The following SYNPO2 variants were observed in gnomAD, a reference collection of about 807,000 sequenced individuals.
SYNPO2 encodes the protein synaptopodin-2.
Under a neutral mutation model 85.0 loss-of-function variants are expected in SYNPO2, and 56 were observed. The ratio of observed to expected loss-of-function variants is 0.66; its 90% CI spans 0.53 to 0.82. The LOEUF (loss-of-function observed/expected upper bound fraction) is 0.82. Among genes scored for constraint, SYNPO2 ranks in the 40% least tolerant of loss-of-function variants. The probability of loss-of-function intolerance (pLI) is 0.00; values close to 1 mark genes in which losing one functional copy is unlikely to be tolerated. For missense variants in SYNPO2, 1,575 were observed against 1,534.2 expected, an observed-to-expected ratio of 1.03 and a Z score of -0.44; for synonymous variants, 602 against 591.1, an observed-to-expected ratio of 1.02 and a Z score of -0.27.
rs1048946642 is a variant in SYNPO2 at position 119,026,952 on chromosome 4, C to A, written c.583C>A (p.Pro195Thr). 1 of 1,614,112 alleles carries A rather than the reference C, an allele frequency of 6.2e-7. No homozygotes were observed. The highest frequency in any genetic ancestry group is 1.6e-4 in the Middle Eastern group (1 of 6,062). The change falls in exon 3 of 5, where the codon CCT (proline) becomes ACT (threonine). Residue 195 changes from proline (P) to threonine (T), a missense_variant. This residue lies in a region of SYNPO2 where 1,508 missense variants were observed against 1,446.8 expected (regional missense o/e 1.04). Transcript: ENST00000307142. The part of the protein sequence containing the change: ...REKVEAVQPG[P>T]VVELQLSLSQ... Reference sequence around the variant, plus strand: ...GAAGGTAGAAGCGGTACAGCCTGGGCCTGTGGTTGAGCTGCAACTGTCCCT... The same window carrying A: ...GAAGGTAGAAGCGGTACAGCCTGGGACTGTGGTTGAGCTGCAACTGTCCCT...
At chr4:118,931,739 T>C (rs1017944429) in intron 1 of SYNPO2, among the ~76,000 whole-genome samples, 1 of 152,200 alleles carries the variant, frequency 6.6e-6, no homozygotes, top group African/African-American at 2.4e-5. Flanking sequence ...ACAATTAATC[T>C]CTTTCCATTC....
chr4:119,001,122 G>A (rs922368582), intron 1 of SYNPO2, among the ~76,000 whole-genome samples: 13 of 152,144 alleles, frequency 8.5e-5, no homozygotes, highest in Admixed American at 1.3e-4. Flanking sequence ...GTGCCCCATG[G>A]GGGGTGCCAT....
intron 1 of SYNPO2, among the ~76,000 whole-genome samples, chr4:119,002,485 T>G (rs1018279700): frequency 6.6e-6 from 1 of 152,180 alleles, no homozygotes; most frequent in Non-Finnish European, 1.5e-5. Flanking sequence ...GGTCTCGATC[T>G]CCTGACCTTG....
intron 1 of SYNPO2, among the ~76,000 whole-genome samples, chr4:118,910,232 C>T (rs1391214492): frequency 6.6e-6 from 1 of 152,220 alleles, no homozygotes; most frequent in Non-Finnish European, 1.5e-5. Flanking sequence ...TAAACCCTGA[C>T]TTGTAGCCTC....
rs1227990778 is a variant in SYNPO2, at chr4:118,990,647, C to T, written c.106-32783C>T. 6.6e-5 allele frequency among the ~76,000 whole-genome samples: 10 copies of T among 152,196 alleles called. No homozygotes were observed. The South Asian group carries it at 1.5e-3, about 22-fold the overall frequency. ...TTTTTGAGACAGAATCTCGCTCGGT[C>T]GCCCAGGCAGGAGTGCAGTGGCGCA... On this transcript the variant is annotated intron_variant, in intron 1 of 4. Transcript: ENST00000307142.
intron 1 of SYNPO2, among the ~76,000 whole-genome samples, chr4:118,922,084 G>A (rs1389541528): frequency 6.6e-6 from 1 of 152,146 alleles, no homozygotes; most frequent in East Asian, 1.9e-4. Context: ...TGACTAGCAT[G>A]GGCTTATAAA....
chr4:118,895,985 G>A (rs902650437), intron 1 of SYNPO2, among the ~76,000 whole-genome samples: 1 of 151,974 alleles, frequency 6.6e-6, no homozygotes, highest in African/African-American at 2.4e-5. Context: ...GGTTGATAAA[G>A]TTTTATAATT....
intron 1 of SYNPO2, among the ~76,000 whole-genome samples, chr4:119,021,080 G>T (rs1737702516): frequency 6.6e-6 from 1 of 152,070 alleles, no homozygotes; most frequent in African/African-American, 2.4e-5. Context: ...TCTTCCCCAA[G>T]AGGTAATGAT....
chr4:118,882,872 C>A (rs954098070), intron 1 of SYNPO2, among the ~76,000 whole-genome samples: 1 of 151,902 alleles, frequency 6.6e-6, no homozygotes, highest in Non-Finnish European at 1.5e-5. Flanking sequence ...CGGGTTCATG[C>A]CATTCTCCTG....
chr4:119,028,222 GT>G (rs11317450), intron 3 of SYNPO2, among the ~76,000 whole-genome samples: 74,514 of 135,344 alleles, frequency 0.55, 19,708 homozygotes, highest in South Asian at 0.64. Context: ...ATTTTTGTTT[GT>G]TTTTTTTTTT....
chr4:118,889,139 A>T lies in SYNPO2; in HGVS notation c.103A>T (p.Lys35Ter). 6.2e-7 allele frequency: 1 copy of T among 1,614,106 alleles called. No homozygotes were observed. Among genetic ancestry groups the T allele is most frequent in the Non-Finnish European group, 8.5e-7 (1 of 1,179,988 alleles). Residue 35 changes from lysine (K) to a stop codon, truncating the protein, a stop_gained and splice_region_variant, in exon 1 of 5, where the codon AAG (lysine) becomes TAG (stop). Coordinates refer to ENST00000307142, the MANE Select transcript of SYNPO2 (RefSeq NM_133477.3). LOFTEE classifies it high-confidence loss of function. ...GCAGAAGCAGCCCTTACAAGTTGCA[A>T]AGGTAGGACCTGAACGAAGTGTCAC... ...KEQKQPLQVA[K>*]IRNQSKASGS...
intron 1 of SYNPO2, among the ~76,000 whole-genome samples, chr4:118,980,910 T>A (rs4833599): frequency 6.6e-6 from 1 of 152,106 alleles, no homozygotes; most frequent in African/African-American, 2.4e-5. Context: ...GGAAACTGAG[T>A]CTGGAATGGT....
intron 1 of SYNPO2, among the ~76,000 whole-genome samples, chr4:118,921,295 C>T (rs1046909734): frequency 2.6e-5 from 4 of 152,070 alleles, no homozygotes; most frequent in Non-Finnish European, 5.9e-5. Flanking sequence ...ACATGCTATC[C>T]CTTAGAGATT....
chr4:118,939,806 C>A (rs947844499), intron 1 of SYNPO2, among the ~76,000 whole-genome samples: 7 of 152,166 alleles, frequency 4.6e-5, no homozygotes, highest in African/African-American at 1.7e-4. Context: ...TGCCTGACTT[C>A]CCTAATAGAG....
At chr4:118,946,497 G>A (rs2149140315) in intron 1 of SYNPO2, among the ~76,000 whole-genome samples, 1 of 125,092 alleles carries the variant, frequency 8.0e-6, no homozygotes, top group South Asian at 2.8e-4. Context: ...CAAAAAGAAT[G>A]GAACAACTCT....
chr4:119,057,778 C>T lies in SYNPO2; in HGVS notation c.3630C>T (p.Thr1210=). The part of the protein sequence containing the change: ...NVTANNNMST[T]SQYGSQLPYA... ...CAGCCAATAATAATATGTCCACCAC[C>T]TCCCAATATGGTTCACAGTTGCCAT... Residue 1210 remains threonine, a synonymous_variant, in exon 5 of 5, where the codon ACC becomes ACT. Coordinates refer to ENST00000307142, the MANE Select transcript of SYNPO2 (RefSeq NM_133477.3). 1 of 1,614,090 alleles carries T rather than the reference C, an allele frequency of 6.2e-7. No individual in the cohort carries two copies. Among genetic ancestry groups the T allele is most frequent in the Non-Finnish European group, 8.5e-7 (1 of 1,180,014 alleles).
intron 1 of SYNPO2, among the ~76,000 whole-genome samples, chr4:118,909,167 C>T (rs886420261): frequency 1.3e-5 from 2 of 152,124 alleles, no homozygotes; most frequent in Non-Finnish European, 2.9e-5. Context: ...CAAAAAATAC[C>T]TGTGATTGCA....
chr4:118,895,497 T>C (rs1352439888), intron 1 of SYNPO2, among the ~76,000 whole-genome samples: 1 of 152,194 alleles, frequency 6.6e-6, no homozygotes, highest in African/African-American at 2.4e-5. Flanking sequence ...TATGGTTTCT[T>C]CCGGGAGAGC....
At chr4:118,988,113 T>A (rs1301881174) in intron 1 of SYNPO2, among the ~76,000 whole-genome samples, 1 of 152,250 alleles carries the variant, frequency 6.6e-6, no homozygotes, top group Non-Finnish European at 1.5e-5. Context: ...CTTGATTTCA[T>A]GAGCAGGAAA....
Sources: allele counts gnomAD v4.1 joint callset (sites outside exome capture counted in the v4.1 genomes callset), GRCh38; gene constraint gnomAD v4.1.1; regional missense constraint gnomAD v4.1.1; transcripts MANE v1.5; gene names NCBI Gene and HGNC (gene_info 2026-07-23, HGNC 2026-07-21).